TENM1: variants seen among roughly 807,000 people sequenced by gnomAD.
TENM1 encodes the protein teneurin-1.
Under a neutral mutation model 174.8 loss-of-function variants are expected in TENM1, and 35 were observed. The observed-to-expected ratio is 0.20, with a 90% CI of 0.15 to 0.27. The LOEUF is 0.27. Ranked by LOEUF, TENM1 falls within the 10% of genes least tolerant of loss-of-function variation. The pLI, the probability that TENM1 is intolerant of heterozygous loss-of-function variation, is 1.00. For synonymous variants in TENM1, 781 were observed against 798.7 expected (o/e 0.98, Z 0.37); for missense variants, 1,633 against 2,130.1 (o/e 0.77, Z 4.59).
intron 3 of TENM1, among the ~76,000 whole-genome samples, chrX:124,813,132 T>G (rs2055820245): frequency 9.0e-6 from 1 of 111,359 alleles, no homozygotes; most frequent in Non-Finnish European, 1.9e-5. Context: ...CAATCCAACA[T>G]AGTAAGCAAT....
At chrX:124,868,380 AG>A (rs2057046345) in intron 3 of TENM1, among the ~76,000 whole-genome samples, 1 of 111,910 alleles carries the variant, frequency 8.9e-6, no homozygotes, top group Non-Finnish European at 1.9e-5. Context: ...CACTGGGGAA[AG>A]GACAGGCACG....
chrX:124,456,174 T>C (rs763943882), intron 22 of TENM1, among the ~76,000 whole-genome samples: 15 of 112,368 alleles, frequency 1.3e-4, no homozygotes, highest in South Asian at 3.7e-4. Context: ...CAGGGCTTGT[T>C]CTGCTGACAG....
At chrX:124,568,723 A>C (rs1313426469) in intron 11 of TENM1, among the ~76,000 whole-genome samples, 1 of 111,583 alleles carries the variant, frequency 9.0e-6, no homozygotes, top group Non-Finnish European at 1.9e-5. Context: ...AAAACAGTAA[A>C]GAATTACTGT....
At chrX:124,610,397 T>G (rs1449035873) in intron 11 of TENM1, among the ~76,000 whole-genome samples, 1 of 112,254 alleles carries the variant, frequency 8.9e-6, no homozygotes, top group Non-Finnish European at 1.9e-5. Flanking sequence ...TTTTAAATAT[T>G]CAAATTTCAC....
the TENM1 span, among the ~76,000 whole-genome samples, chrX:125,051,972 T>G: frequency 9.1e-6 from 1 of 110,087 alleles, no homozygotes; most frequent in East Asian, 2.9e-4. Context: ...ATCCAGAATC[T>G]ACAATGAACT....
chrX:125,078,364 T>C, the TENM1 span, among the ~76,000 whole-genome samples: 15 of 112,028 alleles, frequency 1.3e-4, no homozygotes, highest in African/African-American at 4.8e-4. Flanking sequence ...TTGCAATTAG[T>C]GAGCAGTCAG....
intron 3 of TENM1, among the ~76,000 whole-genome samples, chrX:124,878,525 T>C (rs1447365193): frequency 9.1e-6 from 1 of 109,460 alleles, no homozygotes; most frequent in Admixed American, 9.8e-5. Context: ...ACATGAGATC[T>C]GGTTATTTTA....
rs756667905 is a variant in TENM1, at chrX:124,824,458, T to C, written c.535+69838A>G. Among the ~76,000 whole-genome samples, 3 of 111,730 alleles carry C rather than the reference T, an allele frequency of 2.7e-5. No individual in the cohort carries two copies. The Admixed American group carries it at 2.9e-4, about 11-fold the overall frequency. ...CTAAGTGTGGTTAGTAGCCACCTGA[T>C]GGAAGGAAGAACCAAACAGCTTAAG... On this transcript the variant is annotated intron_variant, in intron 3 of 31. Coordinates refer to ENST00000422452, the Ensembl canonical transcript of TENM1.
intron 11 of TENM1, among the ~76,000 whole-genome samples, chrX:124,637,826 C>T (rs1214354366): frequency 8.9e-6 from 1 of 112,339 alleles, no homozygotes; most frequent in Non-Finnish European, 1.9e-5. Flanking sequence ...TCTTTGTATA[C>T]TATTGCCTCA....
At chrX:124,587,582 A>T (rs2148240313) in intron 11 of TENM1, among the ~76,000 whole-genome samples, 1 of 111,575 alleles carries the variant, frequency 9.0e-6, no homozygotes, top group Admixed American at 9.5e-5. Context: ...AAACCATAAA[A>T]ACCCTAGAAG....
the TENM1 span, among the ~76,000 whole-genome samples, chrX:125,117,641 G>A: frequency 1.5e-4 from 17 of 110,501 alleles, no homozygotes; most frequent in Admixed American, 4.8e-4. Flanking sequence ...CATGGCACGT[G>A]TATACCTAGG....
the TENM1 span, among the ~76,000 whole-genome samples, chrX:125,016,205 C>G: frequency 9.0e-6 from 1 of 111,331 alleles, no homozygotes; most frequent in Admixed American, 9.6e-5. Flanking sequence ...ATTGGAAGTT[C>G]TGGCCAGGGC....
chrX:124,551,721 C>A (rs2048578688), intron 14 of TENM1, among the ~76,000 whole-genome samples: 1 of 111,725 alleles, frequency 9.0e-6, no homozygotes, highest in South Asian at 3.7e-4. Context: ...ACCATTTATA[C>A]CTCAATAAAG....
the TENM1 span, among the ~76,000 whole-genome samples, chrX:125,200,694 A>G: frequency 9.2e-6 from 1 of 109,139 alleles, no homozygotes; most frequent in South Asian, 4.0e-4. Flanking sequence ...TATGAGTACT[A>G]TAAGAAAATT....
intron 11 of TENM1, among the ~76,000 whole-genome samples, chrX:124,581,692 C>T (rs950396743): frequency 1.9e-5 from 2 of 104,645 alleles, no homozygotes; most frequent in African/African-American, 6.8e-5. Flanking sequence ...CACAGCCTCA[C>T]TAGCATCTGT....
At position 124,412,732 on chromosome X, in the gene TENM1, A is replaced by G. The variant is rs139118962; in HGVS notation, c.4983-6243T>C. Among the ~76,000 whole-genome samples the G allele has an allele frequency of 6.2e-5, 7 of 112,798 alleles. No homozygotes were observed. In the East Asian group the frequency reaches 1.9e-3, roughly 31 times the overall value. On this transcript the variant is annotated intron_variant, in intron 25 of 31. Coordinates refer to ENST00000422452, the Ensembl canonical transcript of TENM1. ...ATTTGTCCTTCATTCAATAAATATC[A>G]GAGTCTTGTGCTAGGGACCAGGGAT...
chrX:125,040,935 C>T, the TENM1 span, among the ~76,000 whole-genome samples: 5 of 111,544 alleles, frequency 4.5e-5, no homozygotes, highest in Non-Finnish European at 9.5e-5. Context: ...TTGGAAGAAC[C>T]TGATCTACAA....
the TENM1 span, among the ~76,000 whole-genome samples, chrX:124,998,507 AAC>A: frequency 9.0e-6 from 1 of 110,889 alleles, no homozygotes; most frequent in South Asian, 3.7e-4. Flanking sequence ...TAATAGTATT[AAC>A]GATGATAGCA....
chrX:124,376,745 TTTTTTTG>T (rs755001251), exon 32 of TENM1: 1 of 111,277 alleles, frequency 9.0e-6, no homozygotes, highest in African/African-American at 3.3e-5. Context: ...CTTTTTTTTG[TTTTTTTG>T]TTTTTTGCGC....
Sources: allele counts gnomAD v4.1 joint callset (sites outside exome capture counted in the v4.1 genomes callset), GRCh38; gene constraint gnomAD v4.1.1; transcripts MANE v1.5; gene names NCBI Gene and HGNC (gene_info 2026-07-23, HGNC 2026-07-21).